NUP153: variants seen among roughly 807,000 people sequenced by gnomAD.
NUP153 encodes nuclear pore complex protein Nup153.
Under a neutral mutation model 134.6 loss-of-function variants are expected in NUP153, and 27 were observed. That is an observed-to-expected ratio of 0.20 (90% CI 0.15 to 0.28). NUP153 has a LOEUF of 0.28. Ranked by LOEUF, NUP153 falls within the 10% of genes least tolerant of loss-of-function variation. The pLI is 1.00. For missense variants in NUP153, 1,821 were observed against 1,731.3 expected (o/e 1.05, Z -0.92); for synonymous variants, 640 against 623.5 (o/e 1.03, Z -0.40).
At position 17,628,337 on chromosome 6, in the gene NUP153, C is replaced by T. The variant is rs917019918; in HGVS notation, c.3544+318G>A. Among the ~76,000 whole-genome samples the T allele has an allele frequency of 6.6e-6, 1 of 152,064 alleles. No individual in the cohort carries two copies. The highest frequency in any genetic ancestry group is 2.4e-5 in the African/African-American group (1 of 41,400). On this transcript the variant is annotated intron_variant, in intron 18 of 21. Coordinates refer to ENST00000262077, the MANE Select transcript of NUP153 (RefSeq NM_005124.4). This position sits in a 1 kb window ranked among gnomAD's most constrained non-coding sequence, Gnocchi z 5.4. ...TTCATAAGCTAAGAATCCTTATTTTCCAGGTAGTAGATACCAATTCTGATT... is the reference window on the plus strand; with the variant it reads ...TTCATAAGCTAAGAATCCTTATTTTTCAGGTAGTAGATACCAATTCTGATT...
intron 8 of NUP153, among the ~76,000 whole-genome samples, chr6:17,667,437 A>G (rs533201638): frequency 2.6e-5 from 4 of 152,206 alleles, no homozygotes; most frequent in African/African-American, 9.6e-5. Flanking sequence ...AATCCAAGCC[A>G]GGCACGGTGG....
chr6:17,693,219 T>TACACACACAC (rs1769393264), intron 1 of NUP153, among the ~76,000 whole-genome samples: 3 of 86,108 alleles, frequency 3.5e-5, no homozygotes, highest in South Asian at 1.1e-3. Flanking sequence ...CACACACACT[T>TACACACACAC]ATAAAATCAC....
chr6:17,688,202 GAT>G (rs1253388149), intron 2 of NUP153, among the ~76,000 whole-genome samples, 192 bp downstream of exon 2: 2 of 152,168 alleles, frequency 1.3e-5, no homozygotes, highest in African/African-American at 4.8e-5. Flanking sequence ...AGTCTTAACT[GAT>G]ATAGTTTATC....
intron 11 of NUP153, among the ~76,000 whole-genome samples, chr6:17,654,246 ATAATC>A (rs2113805875): frequency 6.6e-6 from 1 of 152,234 alleles, no homozygotes; most frequent in East Asian, 1.9e-4. Context: ...CATCAACTAT[ATAATC>A]TACTCTCTCA....
At chr6:17,650,156 CA>C (rs1181766146) in intron 11 of NUP153, among the ~76,000 whole-genome samples, 1 of 152,086 alleles carries the variant, frequency 6.6e-6, no homozygotes, top group African/African-American at 2.4e-5. Context: ...TATAAAGAAA[CA>C]ATCATCTGAA....
intron 16 of NUP153, among the ~76,000 whole-genome samples, chr6:17,636,256 A>G (rs1421755657): frequency 6.6e-6 from 1 of 151,818 alleles, no homozygotes; most frequent in East Asian, 1.9e-4. Flanking sequence ...AATTGCATGC[A>G]TCTGGGAGAT....
At chr6:17,660,760 TA>T (rs1258704383) in intron 11 of NUP153, among the ~76,000 whole-genome samples, 2 of 152,094 alleles carry the variant, frequency 1.3e-5, no homozygotes, top group Non-Finnish European at 2.9e-5. Context: ...TGGCAACATC[TA>T]ATACAGCAGA....
chr6:17,616,285 G>C (rs559679164), intron 21 of NUP153, 104 bp from the exon 22 acceptor site: 4 of 542,650 alleles, frequency 7.4e-6, no homozygotes, highest in East Asian at 4.0e-5. Flanking sequence ...GGTCGGGTGG[G>C]GGGGGAGTAG....
chr6:17,682,815 G>A (rs13196366), intron 2 of NUP153, among the ~76,000 whole-genome samples: 5,202 of 151,312 alleles, frequency 0.034, 130 homozygotes, highest in African/African-American at 0.061. Context: ...CTACTCGGGA[G>A]ACCGAGGCAG....
At position 17,675,366 on chromosome 6, in the gene NUP153, T is replaced by C. The variant is rs766711664; in HGVS notation, c.586A>G (p.Ile196Val). ...AATGAAGTGTTCTTTGAAACAGTTA[T>C]ATCTGAAACAAAATTACATAATCCA... ...GFSSRASDKD[I>V]TVSKNTSLPP... Residue 196 changes from isoleucine to valine, a missense_variant and splice_region_variant, in exon 4 of 22, where the codon ATA becomes GTA. Coordinates refer to ENST00000262077, the MANE Select transcript of NUP153 (RefSeq NM_005124.4). This position sits in a 1 kb window ranked among gnomAD's most constrained non-coding sequence, Gnocchi z 4.4. 4.3e-6 allele frequency: 7 copies of C among 1,613,406 alleles called. No individual in the cohort carries two copies. In the East Asian group the frequency reaches 8.9e-5, roughly 21 times the overall value.
intron 11 of NUP153, among the ~76,000 whole-genome samples, chr6:17,651,580 A>C (rs540472913): frequency 1.3e-5 from 2 of 152,320 alleles, no homozygotes; most frequent in South Asian, 4.1e-4. Context: ...ACAGGCTCAA[A>C]GTATATGAAT....
Position 17,616,693 on chromosome 6 carries a change from A to T in NUP153, c.4177T>A (p.Ser1393Thr), listed in dbSNP as rs1305525346. Residue 1393 changes from serine (S) to threonine (T), a missense_variant and splice_region_variant, in exon 21 of 22, where the codon TCG becomes ACG. Physicochemically the swap from Ser to Thr is moderately conservative, Grantham distance 58. Coordinates refer to ENST00000262077, the MANE Select transcript of NUP153 (RefSeq NM_005124.4). ...GTGCTGCTGCCAAACTGGAAAGCCG[A>T]ACCTGCAATAGTTAAAGCAGAAATA... ...FGSGTTPNSSSAFQFGSSTTN... is the reference protein window; with the variant it reads ...FGSGTTPNSSTAFQFGSSTTN... 6.2e-7 allele frequency: 1 copy of T among 1,611,374 alleles called. No homozygotes were observed. Among genetic ancestry groups the T allele is most frequent in the Admixed American group, 1.7e-5 (1 of 59,740 alleles).
intron 11 of NUP153, among the ~76,000 whole-genome samples, chr6:17,660,538 T>C (rs1767114395): frequency 1.3e-5 from 2 of 151,736 alleles, no homozygotes; most frequent in African/African-American, 4.8e-5. Context: ...GAACTCTTTC[T>C]AATAATAAAT....
At chr6:17,646,962 G>A (rs1766227665) in intron 13 of NUP153, among the ~76,000 whole-genome samples, 1 of 138,424 alleles carries the variant, frequency 7.2e-6, no homozygotes, top group Non-Finnish European at 1.5e-5. Context: ...CCACTATGTT[G>A]GTCAGGCTGG....
chr6:17,652,156 C>T (rs1417360357), intron 11 of NUP153, among the ~76,000 whole-genome samples: 1 of 151,896 alleles, frequency 6.6e-6, no homozygotes, highest in Non-Finnish European at 1.5e-5. Context: ...CTAACCATAC[C>T]CTCCCTCCCC....
In NUP153 at chr6:17,669,044, A is replaced by C. The variant is rs776270764; in HGVS notation, c.1015-16T>G. ...TATCAAGAGGCTGAAAAAAAAAAAA[A>C]ACACTATTAGAATAGATGGGGAGTT... On this transcript the variant is annotated splice_polypyrimidine_tract_variant and intron_variant, in intron 7 of 21. Transcript: ENST00000262077. 5.0e-5 allele frequency: 74 copies of C among 1,491,566 alleles called. No individual in the cohort carries two copies. The Middle Eastern group carries it at 9.0e-4, about 18-fold the overall frequency. 92.4% of individuals were successfully genotyped at this position (1,491,566 alleles called of 1,614,324 possible).
At chr6:17,665,475 G>C in intron 8 of NUP153, 90 bp from the exon 9 acceptor site, 1 of 979,098 alleles carries the variant, frequency 1.0e-6, no homozygotes, top group Non-Finnish European at 1.5e-6. Context: ...ATGACCTAAA[G>C]ACCATGAGTA....
Position 17,615,902 on chromosome 6 carries a change from CTATTTATT to C in NUP153, c.*187_*194del, listed in dbSNP as rs1301713060. 2 of 513,146 alleles carry C rather than the reference CTATTTATT, an allele frequency of 3.9e-6. No homozygotes were observed. The highest frequency in any genetic ancestry group is 1.9e-5 in the African/African-American group (1 of 51,354). 31.8% of individuals were successfully genotyped at this position (513,146 alleles called of 1,614,324 possible). ...GCTGAAGAATCAGTCACCAGTCTAG[CTATTTATT>C]TATTTAAAAAAGGGTGGGTGAGGCA... On this transcript the variant is annotated 3_prime_UTR_variant, in exon 22 of 22. Coordinates refer to ENST00000262077, the MANE Select transcript of NUP153 (RefSeq NM_005124.4). This position sits in a 1 kb window ranked among gnomAD's most constrained non-coding sequence, Gnocchi z 5.7.
At chr6:17,670,360 C>T (rs1767827404) in intron 5 of NUP153, among the ~76,000 whole-genome samples, 1 of 152,106 alleles carries the variant, frequency 6.6e-6, no homozygotes, top group South Asian at 2.1e-4. Flanking sequence ...TATATAAATA[C>T]AACAGACTTT....
Sources: allele counts gnomAD v4.1 joint callset (sites outside exome capture counted in the v4.1 genomes callset), GRCh38; gene constraint gnomAD v4.1.1; non-coding constraint Gnocchi (gnomAD v3.1); transcripts MANE v1.5; gene names NCBI Gene and HGNC (gene_info 2026-07-23, HGNC 2026-07-21).